LIMS1: variants seen among roughly 807,000 people sequenced by gnomAD.
The protein encoded by LIMS1 is LIM and senescent cell antigen-like-containing domain protein 1.
A neutral mutation model predicts 44.1 loss-of-function variants in LIMS1; 18 were observed. That is an observed-to-expected ratio of 0.41 (90% confidence interval 0.28 to 0.61). The LOEUF (loss-of-function observed/expected upper bound fraction) is 0.61. LIMS1 is among the 20% of genes least tolerant of loss of function. LIMS1 has a pLI of 0.32. For missense variants in LIMS1, 201 were observed against 422.0 expected (o/e 0.48, Z 4.59); for synonymous variants, 93 against 149.1 (o/e 0.62, Z 2.74).
chr2:108,568,954 C>T (rs1261835090), intron 1 of LIMS1, among the ~76,000 whole-genome samples: 1 of 152,040 alleles, frequency 6.6e-6, no homozygotes, highest in Non-Finnish European at 1.5e-5. Flanking sequence ...TGCAGTGGCA[C>T]AATCTCAGCT....
At chr2:108,656,750 T>G (rs1217901255) in intron 1 of LIMS1, among the ~76,000 whole-genome samples, 37 of 139,948 alleles carry the variant, frequency 2.6e-4, no homozygotes, top group African/African-American at 9.7e-4. Context: ...ATCTACCTAT[T>G]TCCTAATTCT....
At chr2:108,586,972 T>C (rs797001547) in intron 1 of LIMS1, among the ~76,000 whole-genome samples, 14 of 152,308 alleles carry the variant, frequency 9.2e-5, no homozygotes, top group African/African-American at 3.4e-4. Context: ...AAAAACATTC[T>C]GGCTGGAATT....
At chr2:108,556,619 T>TC (rs1190011289) in intron 1 of LIMS1, among the ~76,000 whole-genome samples, 1 of 152,230 alleles carries the variant, frequency 6.6e-6, no homozygotes, top group Non-Finnish European at 1.5e-5. Flanking sequence ...TTCTCTCCTT[T>TC]CCTTCCCTCC....
At chr2:108,551,421 A>C (rs1244600476) in intron 1 of LIMS1, among the ~76,000 whole-genome samples, 1 of 146,016 alleles carries the variant, frequency 6.8e-6, no homozygotes, top group Non-Finnish European at 1.5e-5. Context: ...TAATATAATT[A>C]TATAGTTAAG....
intron 4 of LIMS1, 73 bp downstream of exon 4, chr2:108,672,518 G>A (rs1214983617): frequency 7.0e-6 from 3 of 428,764 alleles, no homozygotes; most frequent in African/African-American, 7.8e-5. Context: ...TATTCTCCAT[G>A]TGGGATGTAA....
chr2:108,607,113 C>T, intron 1 of LIMS1: 2 of 932,128 alleles, frequency 2.1e-6, no homozygotes, highest in South Asian at 3.1e-5. Context: ...GAGATTACTG[C>T]CCTTATAAAA....
chr2:108,542,441 T>C (rs530741668), intron 1 of LIMS1, among the ~76,000 whole-genome samples: 1 of 152,250 alleles, frequency 6.6e-6, no homozygotes, highest in South Asian at 2.1e-4. Flanking sequence ...GAAACCAAGC[T>C]CAAGAGGTTA....
intron 1 of LIMS1, among the ~76,000 whole-genome samples, chr2:108,590,091 G>T (rs568074081): frequency 1.1e-4 from 17 of 152,302 alleles, no homozygotes; most frequent in Non-Finnish European, 2.4e-4. Context: ...AGAATCTTTT[G>T]CTTTACTACA....
chr2:108,639,484 G>A (rs1420112694), intron 1 of LIMS1, among the ~76,000 whole-genome samples: 5 of 152,124 alleles, frequency 3.3e-5, no homozygotes, highest in Non-Finnish European at 7.4e-5. Context: ...ACTAAGTCTC[G>A]CTCTATCGCC....
At chr2:108,676,091 A>G (rs1335819825) in intron 6 of LIMS1, 63 bp downstream of exon 6, 4 of 1,504,084 alleles carry the variant, frequency 2.7e-6, no homozygotes, top group Admixed American at 2.2e-5. Flanking sequence ...GGGGTAACCA[A>G]TACTTTCAGA....
At chr2:108,598,832 T>C (rs1686854154) in intron 1 of LIMS1, among the ~76,000 whole-genome samples, 1 of 152,074 alleles carries the variant, frequency 6.6e-6, no homozygotes, top group South Asian at 2.1e-4. Context: ...TAGCATCTTA[T>C]AAAGAAAAAT....
intron 1 of LIMS1, among the ~76,000 whole-genome samples, chr2:108,552,830 G>C (rs980556100): frequency 6.6e-6 from 1 of 151,878 alleles, no homozygotes; most frequent in Non-Finnish European, 1.5e-5. Flanking sequence ...CTTTCAGCTT[G>C]GCCTCCCAAA....
chr2:108,586,831 A>C (rs1354224079), intron 1 of LIMS1, among the ~76,000 whole-genome samples: 1 of 152,138 alleles, frequency 6.6e-6, no homozygotes, highest in African/African-American at 2.4e-5. Context: ...GTTTATGTCC[A>C]TGACATAGGA....
chr2:108,641,893 C>T (rs892286141), intron 1 of LIMS1, among the ~76,000 whole-genome samples: 1 of 152,200 alleles, frequency 6.6e-6, no homozygotes, highest in African/African-American at 2.4e-5. Context: ...TGGGAAGGAA[C>T]TTCCCAGTTT....
intron 1 of LIMS1, among the ~76,000 whole-genome samples, chr2:108,535,703 C>A (rs1684111399): frequency 6.6e-6 from 1 of 152,130 alleles, no homozygotes; most frequent in African/African-American, 2.4e-5. Context: ...ACAAGTTTTC[C>A]AAAATTCTCA....
chr2:108,597,364 G>A (rs1393443206), intron 1 of LIMS1, among the ~76,000 whole-genome samples: 3 of 152,190 alleles, frequency 2.0e-5, no homozygotes, highest in East Asian at 1.9e-4. Flanking sequence ...ACAGCAACAC[G>A]TGATTGTAAT....
Position 108,547,844 on chromosome 2 carries a change from C to T in LIMS1, c.32+13250C>T, listed in dbSNP as rs1000587168. 7.9e-5 allele frequency among the ~76,000 whole-genome samples: 12 copies of T among 152,210 alleles called. No individual in the cohort carries two copies. The South Asian group carries it at 8.3e-4, about 11-fold the overall frequency. On this transcript the variant is annotated intron_variant, in intron 1 of 9. Transcript: ENST00000544547. ...ATACTTCTTTCTTTAGAATACAATA[C>T]GGACTTTGTCATATTGAAGCATGTT...
chr2:108,652,557 A>G (rs540931689), intron 1 of LIMS1, among the ~76,000 whole-genome samples: 206 of 152,380 alleles, frequency 1.4e-3, no homozygotes, highest in African/African-American at 4.8e-3. Flanking sequence ...TGTGATGGTC[A>G]GAGATAACAT....
intron 1 of LIMS1, among the ~76,000 whole-genome samples, chr2:108,656,349 A>AGATG (rs1458830136): frequency 1.3e-5 from 2 of 151,368 alleles, no homozygotes; most frequent in African/African-American, 4.9e-5. Flanking sequence ...ATAGATAGAT[A>AGATG]GATACTCCCC....
Sources: allele counts gnomAD v4.1 joint callset (sites outside exome capture counted in the v4.1 genomes callset), GRCh38; gene constraint gnomAD v4.1.1; transcripts MANE v1.5; gene names NCBI Gene and HGNC (gene_info 2026-07-23, HGNC 2026-07-21).